The following LRP1B variants were observed in gnomAD, a reference collection of about 807,000 sequenced individuals.
LRP1B encodes LDL receptor related protein 1B.
LRP1B carries 217 observed loss-of-function variants against 556.6 expected under a neutral mutation model. The observed-to-expected ratio is 0.39, with a 90% confidence interval of 0.35 to 0.44. The LOEUF is 0.44. Ranked by LOEUF, LRP1B falls within the 20% of genes least tolerant of loss-of-function variation. LRP1B has a pLI of 1.00. For synonymous variants in LRP1B, 2,047 were observed against 1,865.8 expected, an observed-to-expected ratio of 1.10 and a Z score of -2.50; for missense variants, 5,053 against 5,620.8, an observed-to-expected ratio of 0.90 and a Z score of 3.23.
At chr2:140,961,768 A>G (rs1696042725) in intron 18 of LRP1B, among the ~76,000 whole-genome samples, 1 of 152,060 alleles carries the variant, frequency 6.6e-6, no homozygotes, top group Non-Finnish European at 1.5e-5. Context: ...CTTTTAATTT[A>G]AAGCTTTTAA....
intron 2 of LRP1B, among the ~76,000 whole-genome samples, chr2:141,538,238 T>A (rs1253774041): frequency 6.6e-6 from 1 of 152,084 alleles, no homozygotes; most frequent in Admixed American, 6.6e-5. Context: ...TCCAAAGATG[T>A]TTAGTATCAA....
intron 41 of LRP1B, among the ~76,000 whole-genome samples, chr2:140,623,546 TGAAA>T (rs1574155200): frequency 1.3e-5 from 2 of 152,084 alleles, no homozygotes; most frequent in Non-Finnish European, 2.9e-5. Context: ...AGTAATCATC[TGAAA>T]GAAGTCAAAA....
intron 2 of LRP1B, among the ~76,000 whole-genome samples, chr2:141,666,452 C>T (rs1347558605): frequency 1.3e-5 from 2 of 152,160 alleles, no homozygotes; most frequent in Non-Finnish European, 2.9e-5. Flanking sequence ...CAATTGAGTT[C>T]AAGGAATTCT....
chr2:141,505,380 G>A, intron 2 of LRP1B, among the ~76,000 whole-genome samples: 1 of 152,000 alleles, frequency 6.6e-6, no homozygotes, highest in East Asian at 1.9e-4. Context: ...TTTAAGTCCT[G>A]TTCAACACAC....
chr2:140,866,756 G>A (rs1278806814), intron 27 of LRP1B, among the ~76,000 whole-genome samples: 1 of 152,068 alleles, frequency 6.6e-6, no homozygotes, highest in Non-Finnish European at 1.5e-5. Flanking sequence ...TTGTCAACCA[G>A]AGAGGTAATT....
chr2:141,484,840 T>C (rs1056880119), intron 2 of LRP1B, among the ~76,000 whole-genome samples: 6 of 152,242 alleles, frequency 3.9e-5, no homozygotes, highest in East Asian at 1.9e-4. Context: ...CTGAAGTTGC[T>C]TATCAGCTTA....
chr2:141,493,316 TGTA>T (rs1683401118), intron 2 of LRP1B, among the ~76,000 whole-genome samples: 1 of 152,132 alleles, frequency 6.6e-6, no homozygotes, highest in Admixed American at 6.6e-5. Context: ...GCCTTTTTTG[TGTA>T]GTAGACTATG....
At chr2:141,905,520 C>G (rs1444226807) in intron 1 of LRP1B, among the ~76,000 whole-genome samples, 1 of 150,790 alleles carries the variant, frequency 6.6e-6, no homozygotes, top group African/African-American at 2.4e-5. Flanking sequence ...AGACAATTGT[C>G]TTAAATTGTC....
At chr2:141,159,393 GTTTT>G (rs1448526971) in intron 7 of LRP1B, among the ~76,000 whole-genome samples, 1 of 151,880 alleles carries the variant, frequency 6.6e-6, no homozygotes, top group African/African-American at 2.4e-5. Flanking sequence ...TTTTATTTTT[GTTTT>G]TTTGTTTGTT....
rs796091652 is a variant in LRP1B, at chr2:140,833,561, A to C, written c.5209+6430T>G. On this transcript the variant is annotated intron_variant, in intron 31 of 90. Transcript: ENST00000389484. ...GAAATTTATTAATGTTTTTGTTGCCAGATACATGCTCTAGAAACAGCTCTT... is the reference window on the plus strand; with the variant it reads ...GAAATTTATTAATGTTTTTGTTGCCCGATACATGCTCTAGAAACAGCTCTT... 4.6e-5 allele frequency among the ~76,000 whole-genome samples: 7 copies of C among 152,318 alleles called. 1 individual carries two copies. The highest frequency in any genetic ancestry group is 1.7e-4 in the African/African-American group (7 of 41,568).
chr2:140,933,843 A>C (rs1695123683), intron 20 of LRP1B, among the ~76,000 whole-genome samples: 1 of 152,102 alleles, frequency 6.6e-6, no homozygotes. Flanking sequence ...ATTGTTAGAA[A>C]TAGGCTTTGT....
At chr2:140,613,177 G>T (rs1486904965) in intron 41 of LRP1B, among the ~76,000 whole-genome samples, 3 of 148,096 alleles carry the variant, frequency 2.0e-5, no homozygotes, top group South Asian at 2.1e-4. Context: ...CATTAAAGGG[G>T]TCTAAGGTCA....
chr2:140,339,786 G>T (rs1480505598), intron 77 of LRP1B, among the ~76,000 whole-genome samples: 1 of 151,442 alleles, frequency 6.6e-6, no homozygotes, highest in East Asian at 1.9e-4. Context: ...CAGCAGTGGA[G>T]AAATCCTAAG....
At chr2:140,758,278 T>A (rs1688804856) in intron 35 of LRP1B, among the ~76,000 whole-genome samples, 1 of 132,498 alleles carries the variant, frequency 7.5e-6, no homozygotes. Context: ...GCGTTCATGT[T>A]AGAATGTAAG....
chr2:141,905,678 TAAG>T (rs768776358), intron 1 of LRP1B, among the ~76,000 whole-genome samples: 3 of 151,552 alleles, frequency 2.0e-5, no homozygotes, highest in African/African-American at 4.8e-5. Context: ...TGGTAATACT[TAAG>T]TAGAATGCTT....
At chr2:141,893,532 G>A (rs1466406498) in intron 1 of LRP1B, among the ~76,000 whole-genome samples, 3 of 152,154 alleles carry the variant, frequency 2.0e-5, no homozygotes, top group African/African-American at 7.2e-5. Flanking sequence ...ATAATTTGTA[G>A]ACCAAATTTT....
chr2:140,741,877 T>C (rs1573650006), intron 35 of LRP1B, among the ~76,000 whole-genome samples: 2 of 152,192 alleles, frequency 1.3e-5, no homozygotes, highest in African/African-American at 2.4e-5. Context: ...TTTCTGTTTC[T>C]GCATTAATTA....
chr2:141,073,365 C>T (rs1039758574), intron 7 of LRP1B, among the ~76,000 whole-genome samples: 1 of 151,962 alleles, frequency 6.6e-6, no homozygotes, highest in African/African-American at 2.4e-5. Context: ...CATTTTTTTT[C>T]TCTTAGCACT....
intron 3 of LRP1B, among the ~76,000 whole-genome samples, chr2:141,284,439 T>C (rs1685628637): frequency 6.6e-6 from 1 of 152,130 alleles, no homozygotes; most frequent in African/African-American, 2.4e-5. Context: ...ATTAGTTAGG[T>C]GGTTATTGAA....
Sources: allele counts gnomAD v4.1 joint callset (sites outside exome capture counted in the v4.1 genomes callset), GRCh38; gene constraint gnomAD v4.1.1; transcripts MANE v1.5; gene names NCBI Gene and HGNC (gene_info 2026-07-23, HGNC 2026-07-21).